Variants in SLC9A7 observed in about 807,000 individuals in gnomAD.
SLC9A7 encodes sodium/hydrogen exchanger 7.
SLC9A7 carries 19 observed loss-of-function variants against 52.6 expected under a neutral mutation model. The ratio of observed to expected loss-of-function variants is 0.36; its 90% CI spans 0.25 to 0.53. SLC9A7 has a LOEUF of 0.53. Ranked by LOEUF, SLC9A7 falls within the 20% of genes least tolerant of loss-of-function variation. SLC9A7 has a pLI of 0.91. For missense variants in SLC9A7, 455 were observed against 597.9 expected (o/e 0.76, Z 2.49); for synonymous variants, 226 against 252.1 (o/e 0.90, Z 0.98).
At chrX:46,738,811 T>C (rs774148048) in intron 1 of SLC9A7, among the ~76,000 whole-genome samples, 4 of 109,445 alleles carry the variant, frequency 3.7e-5, no homozygotes, top group Non-Finnish European at 7.6e-5. Context: ...CCAAATAGCA[T>C]TGATTCAGAG....
Position 46,705,906 on chromosome X carries a change from G to T in SLC9A7, c.326-23371C>A, listed in dbSNP as rs925438583. 3.6e-5 allele frequency among the ~76,000 whole-genome samples: 4 copies of T among 110,559 alleles called. 1 individual carries two copies. Among genetic ancestry groups the T allele is most frequent in the South Asian group, 7.8e-4 (2 of 2,554 alleles). On this transcript the variant is annotated intron_variant, in intron 1 of 16. Transcript: ENST00000616978. The stretch of plus-strand genomic sequence containing the variant: ...ACCTCTTTCTTTTGTTGAAGTGCTG[G>T]TTATAGTTCAGGTTCACACAAATAG...
intron 12 of SLC9A7, among the ~76,000 whole-genome samples, chrX:46,636,490 T>C (rs1035960904): frequency 2.7e-5 from 3 of 109,721 alleles, no homozygotes; most frequent in African/African-American, 1.0e-4. Context: ...CCTCTGGTTG[T>C]GGCCAACTAA....
chrX:46,651,842 A>G (rs1350279597), intron 8 of SLC9A7, among the ~76,000 whole-genome samples: 12 of 101,322 alleles, frequency 1.2e-4, no homozygotes, highest in East Asian at 1.0e-3. Flanking sequence ...GAAAAAAAAA[A>G]AAAAAGAAAA....
At chrX:46,638,396 T>C (rs188079918) in intron 12 of SLC9A7, among the ~76,000 whole-genome samples, 21 of 111,184 alleles carry the variant, frequency 1.9e-4, no homozygotes, top group East Asian at 5.6e-4. Context: ...AGGAAGGAAA[T>C]TGATAAAGAT....
chrX:46,602,399 A>T lies in SLC9A7; in HGVS notation c.*4553T>A, dbSNP rs1376852066. ...CTGCTGGGCCATTCTTTAAAATCAG[A>T]TTCCAAATAGTCTAGAGGTCTGCTG... On this transcript the variant is annotated 3_prime_UTR_variant, in exon 17 of 17. Coordinates refer to ENST00000616978, the MANE Select transcript of SLC9A7 (RefSeq NM_001257291.2). 3 of 111,822 alleles carry T rather than the reference A, an allele frequency of 2.7e-5. No individual in the cohort carries two copies. The allele number at this position is 111,822 out of a possible 1,213,427, so 9.2% of individuals were successfully genotyped here.
chrX:46,671,403 G>C (rs1292173830), intron 4 of SLC9A7, among the ~76,000 whole-genome samples: 1 of 109,439 alleles, frequency 9.1e-6, no homozygotes, highest in East Asian at 2.9e-4. Flanking sequence ...TGGGACTACA[G>C]GCGCCCGCCA....
intron 3 of SLC9A7, among the ~76,000 whole-genome samples, chrX:46,679,463 G>A (rs186860956): frequency 2.5e-4 from 28 of 112,631 alleles, no homozygotes; most frequent in African/African-American, 8.4e-4. Context: ...GTTTTCCAGA[G>A]TGGCTGTACC....
At chrX:46,688,597 CAA>C (rs763251903) in intron 1 of SLC9A7, among the ~76,000 whole-genome samples, 91 of 35,574 alleles carry the variant, frequency 2.6e-3, no homozygotes, top group African/African-American at 7.3e-3. Flanking sequence ...AACTCCGCCT[CAA>C]AAAAAAAAAA....
intron 1 of SLC9A7, among the ~76,000 whole-genome samples, chrX:46,699,318 T>C (rs1284588027): frequency 8.9e-6 from 1 of 111,766 alleles, no homozygotes; most frequent in African/African-American, 3.3e-5. Flanking sequence ...GAACTTGCCA[T>C]CGTTGCTGTG....
chrX:46,646,577 A>G, intron 11 of SLC9A7: 2 of 209,359 alleles, frequency 9.6e-6, no homozygotes, highest in South Asian at 7.5e-5. Context: ...CGGCGAAAGT[A>G]GTCTGTCCGC....
chrX:46,746,027 CAAG>C (rs2147012755), intron 1 of SLC9A7, among the ~76,000 whole-genome samples: 1 of 107,900 alleles, frequency 9.3e-6, no homozygotes, highest in East Asian at 2.9e-4. Context: ...AGGAAACAAT[CAAG>C]AAAAAAAAAA....
intron 1 of SLC9A7, among the ~76,000 whole-genome samples, chrX:46,703,065 C>T (rs1944555691): frequency 8.9e-6 from 1 of 112,123 alleles, no homozygotes; most frequent in Non-Finnish European, 1.9e-5. Flanking sequence ...TTCTTGGCCA[C>T]TTGTATGTCT....
intron 3 of SLC9A7, among the ~76,000 whole-genome samples, chrX:46,676,216 G>A (rs1944116821): frequency 9.0e-6 from 1 of 111,133 alleles, no homozygotes; most frequent in Non-Finnish European, 1.9e-5. Context: ...GTGGGGCGGG[G>A]GGGCAGTATT....
At chrX:46,618,389 A>G (rs1032293807) in intron 15 of SLC9A7, among the ~76,000 whole-genome samples, 1 of 111,764 alleles carries the variant, frequency 8.9e-6, no homozygotes, top group African/African-American at 3.3e-5. Context: ...AGCTTAAATC[A>G]TCTCTGAAGG....
chrX:46,662,209 T>G lies in SLC9A7; in HGVS notation c.900-52A>C, dbSNP rs577022708. The G allele has an allele frequency of 5.5e-5, 60 of 1,088,207 alleles. No homozygotes were observed. The South Asian group carries it at 1.3e-3, about 23-fold the overall frequency. 89.7% of individuals were successfully genotyped at this position (1,088,207 alleles called of 1,213,427 possible). Reference sequence around the variant, plus strand: ...TTAAAAGACTGCACAGGTTTTACACTATGGTACTTGAAAATATCGACAAAC... The same window carrying G: ...TTAAAAGACTGCACAGGTTTTACACGATGGTACTTGAAAATATCGACAAAC... On this transcript the variant is annotated intron_variant, in intron 6 of 16. Coordinates refer to ENST00000616978, the MANE Select transcript of SLC9A7 (RefSeq NM_001257291.2).
chrX:46,676,212 C>T (rs1319224567), intron 3 of SLC9A7, among the ~76,000 whole-genome samples: 2 of 109,533 alleles, frequency 1.8e-5, no homozygotes, highest in African/African-American at 3.3e-5. Context: ...TGAGGTGGGG[C>T]GGGGGGGCAG....
chrX:46,687,963 A>G (rs1234230147), intron 1 of SLC9A7, among the ~76,000 whole-genome samples: 1 of 111,909 alleles, frequency 8.9e-6, no homozygotes, highest in African/African-American at 3.3e-5. Context: ...GGCTTCTTTC[A>G]CTTAGTATGT....
At chrX:46,724,333 T>C (rs192750542) in intron 1 of SLC9A7, among the ~76,000 whole-genome samples, 102 of 111,791 alleles carry the variant, frequency 9.1e-4, no homozygotes, top group African/African-American at 3.0e-3. Flanking sequence ...CAGTAGTTAG[T>C]AAATGGTAGA....
rs957570409 is a variant in SLC9A7, at chrX:46,671,498, A to T, written c.680+1053T>A. Among the ~76,000 whole-genome samples, 14 of 109,166 alleles carry T rather than the reference A, an allele frequency of 1.3e-4. No individual in the cohort carries two copies. In the South Asian group the frequency reaches 1.6e-3, roughly 12 times the overall value. The allele number at this position is 109,166 out of a possible 115,157, so 94.8% of individuals were successfully genotyped here. A position where few individuals can be genotyped will look rare whatever the true frequency, so the allele number is the denominator to read the frequency against. Reference sequence around the variant, plus strand: ...GTTAGCCAGGATGGTCTCGATCTCCAGACCTTGTGATCTGCCCGCCTCGGC... The same window carrying T: ...GTTAGCCAGGATGGTCTCGATCTCCTGACCTTGTGATCTGCCCGCCTCGGC... On this transcript the variant is annotated intron_variant, in intron 4 of 16. Transcript: ENST00000616978.
Sources: allele counts gnomAD v4.1 joint callset (sites outside exome capture counted in the v4.1 genomes callset), GRCh38; gene constraint gnomAD v4.1.1; transcripts MANE v1.5; gene names NCBI Gene and HGNC (gene_info 2026-07-23, HGNC 2026-07-21).